Variants in PCDHA3 observed in about 807,000 individuals in gnomAD.
PCDHA3 encodes protocadherin alpha-3.
PCDHA3 carries 41 observed loss-of-function variants against 62.2 expected under a neutral mutation model. The ratio of observed to expected loss-of-function variants is 0.66; its 90% CI spans 0.51 to 0.86. The LOEUF (loss-of-function observed/expected upper bound fraction) is 0.86, where lower values mean the gene tolerates loss of function less well. PCDHA3 is among the 40% of genes least tolerant of loss of function. PCDHA3 has a pLI of 0.00. For missense variants in PCDHA3, 1,304 were observed against 1,241.2 expected (o/e 1.05, Z -0.76); for synonymous variants, 640 against 555.4 (o/e 1.15, Z -2.14).
chr5:140,875,749 G>C, intron 1 of PCDHA3: 1 of 1,614,264 alleles, frequency 6.2e-7, no homozygotes, highest in Non-Finnish European at 8.5e-7. Flanking sequence ...GATCGACCGC[G>C]AGAAGCTGTG....
intron 1 of PCDHA3, chr5:140,968,552 C>T (rs370640529): frequency 1.2e-6 from 2 of 1,614,184 alleles, no homozygotes; most frequent in Non-Finnish European, 1.7e-6. Flanking sequence ...GATGGTGCCT[C>T]GAACTGCCCC....
chr5:140,876,642 A>G (rs908095775), intron 1 of PCDHA3: 10 of 1,614,024 alleles, frequency 6.2e-6, no homozygotes, highest in African/African-American at 1.3e-5. Context: ...GCTCACTGAC[A>G]CCTCATGTTC....
chr5:140,850,004 G>C lies in PCDHA3; in HGVS notation c.2394+46413G>C. On this transcript the variant is annotated intron_variant, in intron 1 of 3. Transcript: ENST00000522353. Reference sequence around the variant, plus strand: ...TGGAGCGGCGGTTGGGCGAGCGCTCGCTGTCGAGCTACGTGTCAGTGCACG... The same window carrying C: ...TGGAGCGGCGGTTGGGCGAGCGCTCCCTGTCGAGCTACGTGTCAGTGCACG... 3 of 1,596,990 alleles carry C rather than the reference G, an allele frequency of 1.9e-6. 1 individual carries two copies. Among genetic ancestry groups the C allele is most frequent in the Non-Finnish European group, 2.6e-6 (3 of 1,167,858 alleles).
chr5:140,848,301 G>A (rs2150408358), intron 1 of PCDHA3: 1 of 676,876 alleles, frequency 1.5e-6, no homozygotes, highest in Non-Finnish European at 2.5e-6. Flanking sequence ...GCCACGTGAT[G>A]TCACTCTTTG....
chr5:140,856,176 T>C lies in PCDHA3; in HGVS notation c.2394+52585T>C, dbSNP rs782159422. ...TACGAGGAGGCCAGACACGGCACCT[T>C]CGTGGGCCGCATCGCGCAGGACCTG... On this transcript the variant is annotated intron_variant, in intron 1 of 3. Coordinates refer to ENST00000522353, the MANE Select transcript of PCDHA3 (RefSeq NM_018906.3). 5 of 1,598,130 alleles carry C rather than the reference T, an allele frequency of 3.1e-6. No homozygotes were observed. In the South Asian group the frequency reaches 5.5e-5, roughly 18 times the overall value.
At position 140,809,084 on chromosome 5, in the gene PCDHA3, A is replaced by G. The variant is rs1250955428; in HGVS notation, c.2394+5493A>G. 4 of 1,613,806 alleles carry G rather than the reference A, an allele frequency of 2.5e-6. No individual in the cohort carries two copies. Among genetic ancestry groups the G allele is most frequent in the African/African-American group, 1.3e-5 (1 of 74,928 alleles). On this transcript the variant is annotated intron_variant, in intron 1 of 3. Transcript: ENST00000522353. The stretch of plus-strand genomic sequence containing the variant: ...GGGGCTGTACACTGGCGAGATCAGC[A>G]CAACGCGTGCCCTGGACGAAACGGA...
At chr5:140,850,240 T>A (rs2041453726) in intron 1 of PCDHA3, 1 of 1,593,332 alleles carries the variant, frequency 6.3e-7, no homozygotes, top group Non-Finnish European at 8.6e-7. Context: ...GAGATGGTGC[T>A]GCGGTCGGTG....
At chr5:140,875,987 TAA>T (rs781909320) in intron 1 of PCDHA3, 4 of 1,613,914 alleles carry the variant, frequency 2.5e-6, no homozygotes, top group Admixed American at 1.7e-5. Context: ...ACCTATGCGT[TAA>T]GTCTAAATGA....
intron 1 of PCDHA3, chr5:140,927,831 G>T: frequency 6.2e-7 from 1 of 1,614,186 alleles, no homozygotes; most frequent in Non-Finnish European, 8.5e-7. Flanking sequence ...TTGAGGCGAG[G>T]GACGAAGGTG....
chr5:140,941,527 G>A (rs1324655767), intron 1 of PCDHA3, among the ~76,000 whole-genome samples: 1 of 151,580 alleles, frequency 6.6e-6, no homozygotes, highest in African/African-American at 2.4e-5. Flanking sequence ...ATCTTGACCA[G>A]GCTGGTCTTG....
At chr5:140,876,308 A>T in intron 1 of PCDHA3, 1 of 1,614,070 alleles carries the variant, frequency 6.2e-7, no homozygotes, top group South Asian at 1.1e-5. Context: ...GAAATTTCCT[A>T]TGGGATCAAA....
rs139788338 is a variant in PCDHA3 at position 140,803,100 on chromosome 5, C to T, written c.1903C>T (p.Arg635Cys). ...GTACACGGGAGAGATCAGCACGACCCGTGCCCTGGACGAGGTGGACGCCCC... is the reference window on the plus strand; with the variant it reads ...GTACACGGGAGAGATCAGCACGACCTGTGCCCTGGACGAGGTGGACGCCCC... ...GLYTGEISTTRALDEVDAPRH... is the reference protein window; with the variant it reads ...GLYTGEISTTCALDEVDAPRH... Residue 635 changes from arginine (R) to cysteine (C), a missense_variant, in exon 1 of 4, where the codon CGT becomes TGT. By Grantham distance (180) the Arg-to-Cys change is radical. Coordinates refer to ENST00000522353, the MANE Select transcript of PCDHA3 (RefSeq NM_018906.3). 1.9e-6 allele frequency: 3 copies of T among 1,613,758 alleles called. No individual in the cohort carries two copies. Among genetic ancestry groups the T allele is most frequent in the African/African-American group, 2.7e-5 (2 of 74,950 alleles).
At chr5:140,824,627 T>G (rs2150136060) in intron 1 of PCDHA3, 3 of 134,070 alleles carry the variant, frequency 2.2e-5, no homozygotes, top group African/African-American at 9.6e-5. Flanking sequence ...TTTTTTTTTT[T>G]TTTTTATTTT....
At chr5:140,809,085 C>G (rs1554124989) in intron 1 of PCDHA3, 17 of 1,613,966 alleles carry the variant, frequency 1.1e-5, no homozygotes, top group Non-Finnish European at 1.4e-5. Context: ...GAGATCAGCA[C>G]AACGCGTGCC....
intron 1 of PCDHA3, among the ~76,000 whole-genome samples, chr5:140,894,053 T>C (rs782239740): frequency 2.4e-4 from 37 of 152,336 alleles, no homozygotes; most frequent in Non-Finnish European, 5.1e-4. Context: ...CTCTGTTGAA[T>C]TGATTTTTAA....
chr5:140,835,970 G>A, intron 1 of PCDHA3: 1 of 1,613,320 alleles, frequency 6.2e-7, no homozygotes, highest in Non-Finnish European at 8.5e-7. Flanking sequence ...AGGAGCTGGA[G>A]CTGTTGCAGT....
In PCDHA3 at chr5:140,850,297, C is replaced by T. The variant is rs2150478357; in HGVS notation, c.2394+46706C>T. The stretch of plus-strand genomic sequence containing the variant: ...AAGGTGCGCGCAGTGGACGCCGACT[C>T]GGGCTACAACGCGTGGCTTTCATAC... On this transcript the variant is annotated intron_variant, in intron 1 of 3. Coordinates refer to ENST00000522353, the MANE Select transcript of PCDHA3 (RefSeq NM_018906.3). The T allele has an allele frequency of 2.5e-6, 4 of 1,596,320 alleles. No homozygotes were observed. The Admixed American group carries it at 5.1e-5, about 20-fold the overall frequency.
At chr5:140,928,928 C>T in intron 1 of PCDHA3, 3 of 1,614,130 alleles carry the variant, frequency 1.9e-6, no homozygotes, top group Non-Finnish European at 2.5e-6. Context: ...CAGCTTTCTG[C>T]CCAGAACTTG....
At position 140,848,602 on chromosome 5, in the gene PCDHA3, C is replaced by T. The variant is rs140949600; in HGVS notation, c.2394+45011C>T. 50 of 1,593,476 alleles carry T rather than the reference C, an allele frequency of 3.1e-5. 3 individuals carry two copies. The African/African-American group carries it at 6.1e-4, about 19-fold the overall frequency. On this transcript the variant is annotated intron_variant, in intron 1 of 3. Transcript: ENST00000522353. ...AGCGGCCAGCTCCACTACTCCGTCC[C>T]GGAGGAAGCCGAACACGGCACCTTC...
Sources: gnomAD v4.1 joint callset for allele counts (sites outside exome capture counted in the v4.1 genomes callset) on GRCh38, gnomAD v4.1.1 for gene constraint, MANE v1.5 for transcripts, NCBI Gene and HGNC (gene_info 2026-07-23, HGNC 2026-07-21) for gene names.